Variants in GRM8 observed in about 807,000 individuals in gnomAD.
GRM8 encodes glutamate metabotropic receptor 8, also known as metabotropic glutamate receptor 8.
Under a neutral mutation model 87.2 loss-of-function variants are expected in GRM8, and 47 were observed. The ratio of observed to expected loss-of-function variants is 0.54; its 90% CI spans 0.43 to 0.69. The LOEUF (loss-of-function observed/expected upper bound fraction) is 0.69. Among genes scored for constraint, GRM8 ranks in the 30% least tolerant of loss-of-function variants. The pLI is 0.00. For missense variants in GRM8, 1,019 were observed against 1,139.2 expected (o/e 0.89, Z 1.52); for synonymous variants, 396 against 404.5 (o/e 0.98, Z 0.25).
chr7:127,088,588 C>T (rs2132869550), intron 3 of GRM8, among the ~76,000 whole-genome samples: 1 of 152,292 alleles, frequency 6.6e-6, no homozygotes, highest in East Asian at 1.9e-4. Context: ...GCCCTGGGCA[C>T]TGATGAATAA....
chr7:126,735,519 T>C (rs1424694466), intron 7 of GRM8, among the ~76,000 whole-genome samples: 2 of 151,940 alleles, frequency 1.3e-5, no homozygotes, highest in African/African-American at 4.8e-5. Flanking sequence ...AATTTGAGAG[T>C]AGCTATCAAG....
chr7:126,459,801 AG>A (rs1421962238), intron 9 of GRM8, among the ~76,000 whole-genome samples: 8 of 151,558 alleles, frequency 5.3e-5, no homozygotes, highest in Admixed American at 4.6e-4. Flanking sequence ...GAAGATGTAA[AG>A]GGAACTCTAT....
chr7:126,769,273 T>C (rs1444418242), intron 7 of GRM8, among the ~76,000 whole-genome samples: 1 of 152,110 alleles, frequency 6.6e-6, no homozygotes, highest in Non-Finnish European at 1.5e-5. Context: ...ATATTCTGTA[T>C]CAGTTTCTCG....
At chr7:126,474,474 G>T (rs1306137867) in intron 9 of GRM8, among the ~76,000 whole-genome samples, 1 of 152,106 alleles carries the variant, frequency 6.6e-6, no homozygotes, top group Non-Finnish European at 1.5e-5. Flanking sequence ...TCACCATGTT[G>T]CCCAGGCTGG....
At chr7:126,665,652 T>G (rs1473145150) in intron 7 of GRM8, among the ~76,000 whole-genome samples, 1 of 152,074 alleles carries the variant, frequency 6.6e-6, no homozygotes, top group African/African-American at 2.4e-5. Context: ...GGTACCATAC[T>G]CACTAACTAA....
At chr7:126,642,287 C>T (rs1019290202) in intron 7 of GRM8, among the ~76,000 whole-genome samples, 19 of 152,308 alleles carry the variant, frequency 1.2e-4, no homozygotes, top group African/African-American at 4.3e-4. Context: ...GGAAGCACCA[C>T]ACATCATTAG....
intron 3 of GRM8, among the ~76,000 whole-genome samples, chr7:126,936,833 T>C (rs1213015190): frequency 2.0e-5 from 3 of 152,140 alleles, no homozygotes; most frequent in Admixed American, 2.0e-4. Flanking sequence ...TACCCACCCA[T>C]CCTGGGCCAC....
intron 3 of GRM8, among the ~76,000 whole-genome samples, chr7:126,972,137 A>G (rs1044262278): frequency 6.6e-6 from 1 of 152,112 alleles, no homozygotes; most frequent in Non-Finnish European, 1.5e-5. Flanking sequence ...AATTACCACT[A>G]TCTTCATCCC....
chr7:127,247,525 A>G (rs1019878076), intron 1 of GRM8, among the ~76,000 whole-genome samples: 3 of 152,042 alleles, frequency 2.0e-5, no homozygotes, highest in African/African-American at 7.2e-5. Context: ...TTGTTTTGAA[A>G]ATGCATCGTA....
chr7:127,062,141 CAAAAA>C (rs5887324), intron 3 of GRM8, among the ~76,000 whole-genome samples: 3 of 134,942 alleles, frequency 2.2e-5, no homozygotes, highest in Non-Finnish European at 4.8e-5. Context: ...AAGACTCCAT[CAAAAA>C]AAAAAAAAAA....
intron 3 of GRM8, among the ~76,000 whole-genome samples, chr7:127,056,975 C>T (rs17865496): frequency 0.012 from 1,877 of 152,208 alleles, 41 homozygotes; most frequent in African/African-American, 0.042. Flanking sequence ...AGTGAAGCAG[C>T]TTTGTGACAC....
At chr7:126,822,373 G>T (rs542742523) in intron 6 of GRM8, among the ~76,000 whole-genome samples, 3 of 152,206 alleles carry the variant, frequency 2.0e-5, no homozygotes, top group African/African-American at 7.2e-5. Flanking sequence ...GCATTTAGCT[G>T]CCACAACACA....
At position 127,020,772 on chromosome 7, in the gene GRM8, G is replaced by A. The variant is rs188199923; in HGVS notation, c.727+85724C>T. Among the ~76,000 whole-genome samples the A allele has an allele frequency of 2.8e-3, 422 of 152,114 alleles. 1 individual carries two copies. The highest frequency in any genetic ancestry group is 9.8e-3 in the African/African-American group (405 of 41,526). On this transcript the variant is annotated intron_variant, in intron 3 of 10. Transcript: ENST00000339582. Reference sequence around the variant, plus strand: ...CTTGTAATTATTCAGATTACATTTCGTTTTATGTGACAGTGGTCAAATTTG... The same window carrying A: ...CTTGTAATTATTCAGATTACATTTCATTTTATGTGACAGTGGTCAAATTTG...
chr7:126,794,083 T>C (rs1821675322), intron 6 of GRM8, among the ~76,000 whole-genome samples: 1 of 152,082 alleles, frequency 6.6e-6, no homozygotes, highest in Middle Eastern at 3.2e-3. Context: ...AAAATATCGA[T>C]TTGAAACTCA....
chr7:127,115,195 C>G (rs900525324), intron 2 of GRM8, among the ~76,000 whole-genome samples: 1 of 152,140 alleles, frequency 6.6e-6, no homozygotes, highest in Admixed American at 6.5e-5. Flanking sequence ...CTTGACTTTG[C>G]CTGCACAAAG....
At chr7:126,713,516 G>A (rs942676591) in intron 7 of GRM8, among the ~76,000 whole-genome samples, 2 of 151,214 alleles carry the variant, frequency 1.3e-5, no homozygotes, top group Non-Finnish European at 2.9e-5. Flanking sequence ...AAACCTAGCT[G>A]ATTGGGTTGA....
chr7:126,965,809 G>T (rs1809793160), intron 3 of GRM8, among the ~76,000 whole-genome samples: 1 of 151,990 alleles, frequency 6.6e-6, no homozygotes, highest in Admixed American at 6.6e-5. Flanking sequence ...GCACACTGTG[G>T]ACATTAGTAA....
chr7:126,516,539 CT>C (rs1227207267), intron 9 of GRM8, among the ~76,000 whole-genome samples: 1 of 152,040 alleles, frequency 6.6e-6, no homozygotes, highest in African/African-American at 2.4e-5. Context: ...AAGAAGCATG[CT>C]GCTATTGCAT....
intron 6 of GRM8, among the ~76,000 whole-genome samples, chr7:126,879,990 G>T (rs1288827572): frequency 6.6e-6 from 1 of 152,132 alleles, no homozygotes; most frequent in Non-Finnish European, 1.5e-5. Flanking sequence ...AAAATAATTT[G>T]CCTTAAGACA....
Sources: allele counts gnomAD v4.1 joint callset (sites outside exome capture counted in the v4.1 genomes callset), GRCh38; gene constraint gnomAD v4.1.1; transcripts MANE v1.5; gene names NCBI Gene and HGNC (gene_info 2026-07-23, HGNC 2026-07-21).